Variants in DPP6 observed in about 807,000 individuals in gnomAD.
DPP6 encodes dipeptidyl peptidase like 6, also known as A-type potassium channel modulatory protein DPP6.
A neutral mutation model predicts 122.6 loss-of-function variants in DPP6; 69 were observed. That is an observed-to-expected ratio of 0.56 (90% CI 0.46 to 0.69). DPP6 has a LOEUF of 0.69. Among genes scored for constraint, DPP6 ranks in the 30% least tolerant of loss-of-function variants. DPP6 has a pLI of 0.00. For missense variants in DPP6, 928 were observed against 1,116.9 expected, an observed-to-expected ratio of 0.83 and a Z score of 2.41; for synonymous variants, 418 against 433.1, an observed-to-expected ratio of 0.97 and a Z score of 0.43.
chr7:154,772,795 C>T, intron 9 of DPP6, 50 bp from the exon 10 acceptor site: 2 of 1,583,896 alleles, frequency 1.3e-6, no homozygotes, highest in Non-Finnish European at 1.7e-6. Context: ...CTGAAGTTCA[C>T]TCTTGTATAA....
At chr7:153,823,879 G>A in the DPP6 span, among the ~76,000 whole-genome samples, 2 of 152,074 alleles carry the variant, frequency 1.3e-5, no homozygotes, top group African/African-American at 2.4e-5. Flanking sequence ...ATTTTCGGAA[G>A]ATGCTTTGAT....
intron 1 of DPP6, among the ~76,000 whole-genome samples, chr7:154,351,993 A>T (rs937710216): frequency 4.6e-5 from 7 of 151,996 alleles, no homozygotes; most frequent in African/African-American, 1.7e-4. Flanking sequence ...CTGCTCCTAT[A>T]GCAATGCCTT....
chr7:154,243,442 G>T (rs1052345478), intron 1 of DPP6, among the ~76,000 whole-genome samples: 1 of 152,106 alleles, frequency 6.6e-6, no homozygotes, highest in African/African-American at 2.4e-5. Flanking sequence ...AATTATAACT[G>T]TAAAAAATAA....
intron 1 of DPP6, among the ~76,000 whole-genome samples, chr7:154,226,003 G>A (rs1355800130): frequency 6.6e-6 from 1 of 152,150 alleles, no homozygotes; most frequent in African/African-American, 2.4e-5. Context: ...AGATGATCCA[G>A]CAGCAGCCAC....
intron 17 of DPP6, among the ~76,000 whole-genome samples, chr7:154,855,832 C>G (rs1394349663): frequency 6.6e-6 from 1 of 152,052 alleles, no homozygotes; most frequent in Non-Finnish European, 1.5e-5. Flanking sequence ...TCTTTTTTTT[C>G]CTTAAGCAAA....
At chr7:154,175,351 G>A (rs192600264) in intron 1 of DPP6, among the ~76,000 whole-genome samples, 1 of 152,188 alleles carries the variant, frequency 6.6e-6, no homozygotes, top group East Asian at 2.0e-4. Context: ...AGCAACAGAC[G>A]AGGTCAAAGC....
chr7:153,964,908 C>CT (rs1358831885), intron 1 of DPP6, among the ~76,000 whole-genome samples: 3 of 79,310 alleles, frequency 3.8e-5, no homozygotes, highest in Non-Finnish European at 6.7e-5. Context: ...CCCTTCTTTT[C>CT]TTTTCCTTTC....
chr7:154,686,742 C>T (rs1423949574), intron 7 of DPP6, among the ~76,000 whole-genome samples: 2 of 152,188 alleles, frequency 1.3e-5, no homozygotes, highest in African/African-American at 2.4e-5. Context: ...TCTCCTTTTC[C>T]AGGGGGTGAC....
At chr7:154,448,853 A>G (rs928559483) in intron 2 of DPP6, among the ~76,000 whole-genome samples, 3 of 152,224 alleles carry the variant, frequency 2.0e-5, no homozygotes, top group African/African-American at 7.2e-5. Flanking sequence ...TGGTGGTACA[A>G]CTAGATATTC....
intron 1 of DPP6, among the ~76,000 whole-genome samples, chr7:154,121,993 A>C (rs558382619): frequency 2.6e-5 from 4 of 152,258 alleles, no homozygotes; most frequent in Non-Finnish European, 2.9e-5. Context: ...CAATTATAGT[A>C]ATTACTGAAA....
intron 1 of DPP6, among the ~76,000 whole-genome samples, chr7:153,932,325 T>A (rs984072316): frequency 8.5e-5 from 13 of 152,092 alleles, no homozygotes; most frequent in Non-Finnish European, 1.6e-4. Flanking sequence ...TTCACCATGT[T>A]GACCAGGGTG....
intron 1 of DPP6, among the ~76,000 whole-genome samples, chr7:153,961,550 C>T (rs1162974922): frequency 6.6e-6 from 1 of 150,576 alleles, no homozygotes; most frequent in Non-Finnish European, 1.5e-5. Context: ...ACAATTTTTC[C>T]ATGGACCGGG....
chr7:154,598,416 C>T (rs563069315), intron 5 of DPP6, among the ~76,000 whole-genome samples: 3 of 152,158 alleles, frequency 2.0e-5, no homozygotes, highest in African/African-American at 7.2e-5. Flanking sequence ...TGCAGACAGC[C>T]TTTGGCCATT....
chr7:154,172,093 C>G (rs1029560115), intron 1 of DPP6, among the ~76,000 whole-genome samples: 4 of 151,970 alleles, frequency 2.6e-5, no homozygotes, highest in Admixed American at 6.6e-5. Flanking sequence ...TTTCACTGAG[C>G]CTCATTGCAA....
chr7:154,819,686 TAAAACA>T (rs369711811), intron 16 of DPP6, among the ~76,000 whole-genome samples: 5,176 of 151,824 alleles, frequency 0.034, 290 homozygotes, highest in African/African-American at 0.12. Flanking sequence ...ATAGAAGAAA[TAAAACA>T]AAAACAAAAA....
At chr7:154,391,185 C>T (rs908221860) in intron 1 of DPP6, among the ~76,000 whole-genome samples, 2 of 152,150 alleles carry the variant, frequency 1.3e-5, no homozygotes, top group East Asian at 1.9e-4. Flanking sequence ...CGCGTGGGGG[C>T]GGTTCTCAGT....
At chr7:153,962,451 A>G (rs1464166447) in intron 1 of DPP6, among the ~76,000 whole-genome samples, 1 of 152,028 alleles carries the variant, frequency 6.6e-6, no homozygotes, top group Non-Finnish European at 1.5e-5. Context: ...CTGAACTTTC[A>G]ATATTGACGT....
chr7:154,587,840 C>T, intron 5 of DPP6: 1 of 1,612,864 alleles, frequency 6.2e-7, no homozygotes, highest in Non-Finnish European at 8.5e-7. Context: ...GCATTGCCAG[C>T]TTGCCATGTA....
intron 1 of DPP6, among the ~76,000 whole-genome samples, chr7:154,239,380 C>T (rs1801424261): frequency 6.6e-6 from 1 of 152,268 alleles, no homozygotes; most frequent in East Asian, 1.9e-4. Context: ...CTCTGCCACC[C>T]CTGAAACAGC....
Sources: allele counts gnomAD v4.1 joint callset (sites outside exome capture counted in the v4.1 genomes callset), GRCh38; gene constraint gnomAD v4.1.1; transcripts MANE v1.5; gene names NCBI Gene and HGNC (gene_info 2026-07-23, HGNC 2026-07-21).